IL1RAPL1: variants seen among roughly 807,000 people sequenced by gnomAD.
IL1RAPL1 encodes interleukin-1 receptor accessory protein-like 1.
IL1RAPL1 carries 3 observed loss-of-function variants against 48.4 expected under a neutral mutation model. The ratio of observed to expected loss-of-function variants is 0.06; its 90% CI spans 0.03 to 0.16. The LOEUF (loss-of-function observed/expected upper bound fraction) is 0.16, where lower values mean the gene tolerates loss of function less well. Ranked by LOEUF, IL1RAPL1 falls within the 10% of genes least tolerant of loss-of-function variation. The probability of loss-of-function intolerance (pLI) is 1.00; values close to 1 mark genes in which losing one functional copy is unlikely to be tolerated. For synonymous variants in IL1RAPL1, 185 were observed against 187.7 expected (o/e 0.99, Z 0.12); for missense variants, 349 against 530.6 (o/e 0.66, Z 3.36).
intron 1 of IL1RAPL1, among the ~76,000 whole-genome samples, chrX:28,656,765 G>C (rs1011535045): frequency 9.0e-6 from 1 of 111,489 alleles, no homozygotes; most frequent in African/African-American, 3.3e-5. Flanking sequence ...GGTGGCTCAC[G>C]CCTGTAATCC....
intron 6 of IL1RAPL1, among the ~76,000 whole-genome samples, chrX:29,770,253 C>A (rs975109115): frequency 8.9e-6 from 1 of 111,799 alleles, no homozygotes; most frequent in African/African-American, 3.3e-5. Context: ...AGATTAGTTG[C>A]AATATTGAGG....
intron 2 of IL1RAPL1, among the ~76,000 whole-genome samples, chrX:28,823,131 C>G (rs772223758): frequency 1.6e-4 from 18 of 111,413 alleles, no homozygotes; most frequent in Non-Finnish European, 3.2e-4. Flanking sequence ...AATGCTATGT[C>G]CTTGTTCCTT....
chrX:28,650,014 C>A (rs1265259349), intron 1 of IL1RAPL1, among the ~76,000 whole-genome samples: 4 of 111,489 alleles, frequency 3.6e-5, no homozygotes, highest in Non-Finnish European at 5.6e-5. Context: ...TTGGCCCTCA[C>A]GTGTACCTTC....
chrX:28,884,601 A>G (rs901008851), intron 2 of IL1RAPL1, among the ~76,000 whole-genome samples: 55 of 112,025 alleles, frequency 4.9e-4, no homozygotes, highest in Non-Finnish European at 2.8e-4. Flanking sequence ...ACAGAATCCC[A>G]GAGTATCTAT....
intron 6 of IL1RAPL1, among the ~76,000 whole-genome samples, chrX:29,885,586 G>T (rs972771763): frequency 9.0e-6 from 1 of 111,721 alleles, no homozygotes; most frequent in Admixed American, 9.5e-5. Flanking sequence ...TGAGGCAGGA[G>T]AATCTCTTGA....
chrX:28,971,120 T>C (rs1925060030), intron 2 of IL1RAPL1, among the ~76,000 whole-genome samples: 1 of 111,324 alleles, frequency 9.0e-6, no homozygotes, highest in South Asian at 3.8e-4. Flanking sequence ...CTTGTTTCCT[T>C]GGCCAGGGTA....
rs1398021125 is a variant in IL1RAPL1 at position 28,662,406 on chromosome X, T to A, written c.-25+74359T>A. The stretch of plus-strand genomic sequence containing the variant: ...ATTCAGGAGGATTGGTTTTAAAACC[T>A]AAGAAAAGAATTGAGGTAGTGGCTA... On this transcript the variant is annotated intron_variant, in intron 1 of 10. Coordinates refer to ENST00000378993, the MANE Select transcript of IL1RAPL1 (RefSeq NM_014271.4). 2.7e-5 allele frequency among the ~76,000 whole-genome samples: 3 copies of A among 111,497 alleles called. No individual in the cohort carries two copies. The Admixed American group carries it at 2.9e-4, about 11-fold the overall frequency.
chrX:29,453,858 A>G (rs929218815), intron 5 of IL1RAPL1, among the ~76,000 whole-genome samples: 2 of 112,498 alleles, frequency 1.8e-5, no homozygotes, highest in Non-Finnish European at 3.7e-5. Context: ...ATTTCAGCAT[A>G]TGTTTAAACA....
At chrX:29,079,995 G>A (rs777014431) in intron 2 of IL1RAPL1, among the ~76,000 whole-genome samples, 1 of 111,677 alleles carries the variant, frequency 9.0e-6, no homozygotes, top group Non-Finnish European at 1.9e-5. Flanking sequence ...ACGGAGTGGT[G>A]TTCCTATTCT....
intron 6 of IL1RAPL1, among the ~76,000 whole-genome samples, chrX:29,755,717 A>G (rs1325286248): frequency 8.9e-6 from 1 of 112,410 alleles, no homozygotes; most frequent in Non-Finnish European, 1.9e-5. Context: ...TAATTACCCC[A>G]GGGATAATTG....
intron 2 of IL1RAPL1, among the ~76,000 whole-genome samples, chrX:29,221,751 G>A (rs1930984407): frequency 1.8e-5 from 2 of 109,547 alleles, no homozygotes; most frequent in Admixed American, 9.8e-5. Flanking sequence ...AGTGGCTCAC[G>A]CCCGTAATGC....
At chrX:29,862,159 C>CAAA (rs767446668) in intron 6 of IL1RAPL1, among the ~76,000 whole-genome samples, 164 of 74,940 alleles carry the variant, frequency 2.2e-3, no homozygotes, top group African/African-American at 7.1e-3. Context: ...GACCCTGTCT[C>CAAA]AAAAAAAAAA....
chrX:29,184,754 G>A (rs978294102), intron 2 of IL1RAPL1, among the ~76,000 whole-genome samples: 2 of 111,543 alleles, frequency 1.8e-5, no homozygotes, highest in African/African-American at 6.5e-5. Context: ...GCCTGCCTCG[G>A]CTTCCCAAAG....
At chrX:29,041,388 A>G (rs1256312999) in intron 2 of IL1RAPL1, among the ~76,000 whole-genome samples, 1 of 111,869 alleles carries the variant, frequency 8.9e-6, no homozygotes, top group African/African-American at 3.2e-5. Context: ...ACCTCATGCT[A>G]GGTCCACTGA....
intron 2 of IL1RAPL1, among the ~76,000 whole-genome samples, chrX:29,203,722 A>AATATATATATATATATATATAT (rs56950481): frequency 1.0e-4 from 8 of 78,410 alleles, no homozygotes; most frequent in Admixed American, 3.1e-4. Context: ...TCCGTCTCAA[A>AATATATATATATATATATATAT]ATATATATAT....
intron 6 of IL1RAPL1, among the ~76,000 whole-genome samples, chrX:29,877,692 G>A (rs9887702): frequency 0.031 from 3,514 of 111,640 alleles, 124 homozygotes; most frequent in African/African-American, 0.11. Flanking sequence ...CCGATAGAAC[G>A]AGTAAGATGT....
chrX:29,074,556 A>C (rs1354023816), intron 2 of IL1RAPL1, among the ~76,000 whole-genome samples: 1 of 112,307 alleles, frequency 8.9e-6, no homozygotes, highest in Non-Finnish European at 1.9e-5. Flanking sequence ...AGGTTTGAAC[A>C]ATAAGAATAT....
At chrX:29,086,627 A>AT (rs1191485916) in intron 2 of IL1RAPL1, among the ~76,000 whole-genome samples, 4 of 111,608 alleles carry the variant, frequency 3.6e-5, no homozygotes, top group South Asian at 3.7e-4. Context: ...TCATAACTTC[A>AT]TTTTTTGTAC....
At chrX:28,706,994 C>T (rs1364254607) in intron 1 of IL1RAPL1, among the ~76,000 whole-genome samples, 1 of 111,861 alleles carries the variant, frequency 8.9e-6, no homozygotes, top group Non-Finnish European at 1.9e-5. Context: ...GTACAAGGCA[C>T]TACGTTAGCC....
Sources: gnomAD v4.1 joint callset for allele counts (sites outside exome capture counted in the v4.1 genomes callset) on GRCh38, gnomAD v4.1.1 for gene constraint, MANE v1.5 for transcripts, NCBI Gene and HGNC (gene_info 2026-07-23, HGNC 2026-07-21) for gene names.